Variants in ST6GALNAC3 observed in about 807,000 individuals in gnomAD.
The protein encoded by ST6GALNAC3 is alpha-N-acetylgalactosaminide alpha-2,6-sialyltransferase 3.
In ST6GALNAC3, 25 loss-of-function variants were observed where a neutral mutation model predicts 32.7. That is an observed-to-expected ratio of 0.76 (90% CI 0.56 to 1.07). The LOEUF is 1.07. ST6GALNAC3 is among the 50% of genes least tolerant of loss of function. The probability of loss-of-function intolerance (pLI) is 0.00; values close to 1 mark genes in which losing one functional copy is unlikely to be tolerated. For missense variants in ST6GALNAC3, 355 were observed against 382.4 expected, an observed-to-expected ratio of 0.93 and a Z score of 0.60; for synonymous variants, 129 against 133.1, an observed-to-expected ratio of 0.97 and a Z score of 0.21.
chr1:76,316,885 C>A (rs765892054), intron 2 of ST6GALNAC3, among the ~76,000 whole-genome samples: 1 of 152,106 alleles, frequency 6.6e-6, no homozygotes, highest in Non-Finnish European at 1.5e-5. Context: ...AATTCAGCAG[C>A]AGGAAATAAC....
intron 2 of ST6GALNAC3, among the ~76,000 whole-genome samples, chr1:76,345,550 C>T (rs2101005787): frequency 6.6e-6 from 1 of 152,224 alleles, no homozygotes; most frequent in South Asian, 2.1e-4. Flanking sequence ...AGCAGCTCTA[C>T]CTTGAAATAG....
At chr1:76,470,035 C>A (rs978205111) in intron 3 of ST6GALNAC3, among the ~76,000 whole-genome samples, 4 of 152,058 alleles carry the variant, frequency 2.6e-5, no homozygotes, top group African/African-American at 7.2e-5. Flanking sequence ...AGTATTATGA[C>A]TTTAATTGAA....
Position 76,494,648 on chromosome 1 carries a change from C to T in ST6GALNAC3, c.623+82231C>T, listed in dbSNP as rs1260778509. On this transcript the variant is annotated intron_variant, in intron 3 of 4. Coordinates refer to ENST00000328299, the MANE Select transcript of ST6GALNAC3 (RefSeq NM_152996.4). ...CATAAAAATATATTTCATGTGTATG[C>T]GCACACACACACACACACACACACA... 2.2e-4 allele frequency among the ~76,000 whole-genome samples: 17 copies of T among 75,984 alleles called. 1 individual carries two copies. The highest frequency in any genetic ancestry group is 9.9e-4 in the African/African-American group (17 of 17,170). 49.8% of individuals were successfully genotyped at this position (75,984 alleles called of 152,430 possible).
At chr1:76,604,429 A>G (rs898154796) in intron 3 of ST6GALNAC3, among the ~76,000 whole-genome samples, 1 of 152,240 alleles carries the variant, frequency 6.6e-6, no homozygotes. Context: ...TAGAGAATCT[A>G]TAAATGAAAT....
chr1:76,380,216 G>T (rs917071194), intron 2 of ST6GALNAC3, among the ~76,000 whole-genome samples: 4 of 152,008 alleles, frequency 2.6e-5, no homozygotes, highest in African/African-American at 9.7e-5. Context: ...TAAGTAAAAG[G>T]GTACTTAACC....
chr1:76,289,215 T>C (rs1409693551), intron 1 of ST6GALNAC3, among the ~76,000 whole-genome samples: 1 of 152,204 alleles, frequency 6.6e-6, no homozygotes, highest in African/African-American at 2.4e-5. Context: ...ATAAACTCTA[T>C]TGATCTCTGT....
chr1:76,408,339 T>C (rs1653980130), intron 2 of ST6GALNAC3, among the ~76,000 whole-genome samples: 1 of 152,150 alleles, frequency 6.6e-6, no homozygotes, highest in African/African-American at 2.4e-5. Flanking sequence ...CAAACGTCTC[T>C]TAAGATGACG....
intron 3 of ST6GALNAC3, among the ~76,000 whole-genome samples, chr1:76,582,304 T>C (rs758561526): frequency 2.0e-5 from 3 of 152,182 alleles, no homozygotes; most frequent in African/African-American, 7.2e-5. Flanking sequence ...CCACAGGCAG[T>C]CTTTCCATGT....
chr1:76,304,791 G>A (rs1466721808), intron 1 of ST6GALNAC3, among the ~76,000 whole-genome samples: 1 of 152,028 alleles, frequency 6.6e-6, no homozygotes, highest in African/African-American at 2.4e-5. Flanking sequence ...GCCTCTGGCA[G>A]GACTTCCTCC....
intron 1 of ST6GALNAC3, among the ~76,000 whole-genome samples, chr1:76,195,098 T>G (rs1410578652): frequency 6.6e-6 from 1 of 152,216 alleles, no homozygotes; most frequent in Non-Finnish European, 1.5e-5. Flanking sequence ...TTCAAGCCCA[T>G]GATGGCAGAT....
At chr1:76,312,575 C>CAA (rs57518127) in intron 1 of ST6GALNAC3, among the ~76,000 whole-genome samples, 1 of 145,686 alleles carries the variant, frequency 6.9e-6, no homozygotes, top group African/African-American at 2.5e-5. Flanking sequence ...AACAAATTTA[C>CAA]AAAAAAAAAA....
At chr1:76,441,165 G>A (rs1656571496) in intron 3 of ST6GALNAC3, among the ~76,000 whole-genome samples, 1 of 151,418 alleles carries the variant, frequency 6.6e-6, no homozygotes, top group Non-Finnish European at 1.5e-5. Context: ...ATATGGACTT[G>A]CTCAACATAA....
chr1:76,569,828 C>T (rs1456476911), intron 3 of ST6GALNAC3, among the ~76,000 whole-genome samples: 1 of 152,016 alleles, frequency 6.6e-6, no homozygotes, highest in Non-Finnish European at 1.5e-5. Flanking sequence ...TTTGATTAGA[C>T]CCATATTTTA....
intron 2 of ST6GALNAC3, among the ~76,000 whole-genome samples, chr1:76,387,889 GA>G (rs5775346): frequency 0.056 from 8,490 of 151,706 alleles, 289 homozygotes; most frequent in Middle Eastern, 0.099. Context: ...TTCTATGACT[GA>G]AAAAAAATCT....
At position 76,412,217 on chromosome 1, in the gene ST6GALNAC3, T is replaced by A; in HGVS notation, c.423T>A (p.Asp141Glu). Residue 141 changes from aspartate to glutamate, a missense_variant, in exon 3 of 5, where the codon GAT becomes GAA. Transcript: ENST00000328299. Reference protein sequence around the residue: ...TSVPLLLKNPDYFFKEANTTI... With the variant: ...TSVPLLLKNPEYFFKEANTTI... Reference sequence around the variant, plus strand: ...TTCCTCTTTTGCTAAAAAACCCTGATTATTTTTTCAAGGAAGCGAATACTA... The same window carrying A: ...TTCCTCTTTTGCTAAAAAACCCTGAATATTTTTTCAAGGAAGCGAATACTA... 1 of 1,613,832 alleles carries A rather than the reference T, an allele frequency of 6.2e-7. No individual in the cohort carries two copies. Among genetic ancestry groups the A allele is most frequent in the Non-Finnish European group, 8.5e-7 (1 of 1,179,844 alleles).
chr1:76,380,084 G>A (rs1651584010), intron 2 of ST6GALNAC3, among the ~76,000 whole-genome samples: 1 of 152,102 alleles, frequency 6.6e-6, no homozygotes, highest in South Asian at 2.1e-4. Context: ...ATAAATGAGA[G>A]GATATTAGGG....
intron 3 of ST6GALNAC3, among the ~76,000 whole-genome samples, chr1:76,593,960 A>G (rs1311852149): frequency 1.3e-5 from 2 of 152,126 alleles, no homozygotes; most frequent in Admixed American, 1.3e-4. Context: ...TACGATTCCC[A>G]CAGAGCCCAT....
intron 1 of ST6GALNAC3, among the ~76,000 whole-genome samples, chr1:76,259,977 G>C (rs1400670245): frequency 6.6e-6 from 1 of 152,022 alleles, no homozygotes; most frequent in Non-Finnish European, 1.5e-5. Context: ...TCTTGCTTTA[G>C]TTTTGCTTTC....
At chr1:76,412,948 T>C (rs1302061710) in intron 3 of ST6GALNAC3, 2 of 334,882 alleles carry the variant, frequency 6.0e-6, no homozygotes, top group Non-Finnish European at 1.2e-5. Flanking sequence ...GAATACCATA[T>C]TGAAATTATA....
Sources: gnomAD v4.1 joint callset for allele counts (sites outside exome capture counted in the v4.1 genomes callset) on GRCh38, gnomAD v4.1.1 for gene constraint, MANE v1.5 for transcripts, NCBI Gene and HGNC (gene_info 2026-07-23, HGNC 2026-07-21) for gene names.